DNAH5: variants seen among roughly 807,000 people sequenced by gnomAD.
DNAH5 encodes axonemal beta dynein heavy chain 5.
Under a neutral mutation model 518.2 loss-of-function variants are expected in DNAH5, and 372 were observed. The observed-to-expected ratio is 0.72, with a 90% CI of 0.66 to 0.78. The LOEUF (loss-of-function observed/expected upper bound fraction) is 0.78. Among genes scored for constraint, DNAH5 ranks in the 30% least tolerant of loss-of-function variants. The probability of loss-of-function intolerance (pLI) is 0.00; values close to 1 mark genes in which losing one functional copy is unlikely to be tolerated. For missense variants in DNAH5, 5,523 were observed against 5,687.0 expected, an observed-to-expected ratio of 0.97 and a Z score of 0.93; for synonymous variants, 2,039 against 2,025.9, an observed-to-expected ratio of 1.01 and a Z score of -0.17.
chr5:13,825,543 T>A (rs1580439560), intron 38 of DNAH5, among the ~76,000 whole-genome samples: 2 of 152,074 alleles, frequency 1.3e-5, no homozygotes, highest in African/African-American at 4.8e-5. Flanking sequence ...AGAAAGGACA[T>A]CCTGTCACAT....
chr5:13,819,528 G>A (rs1761948122), intron 41 of DNAH5, among the ~76,000 whole-genome samples: 2 of 152,036 alleles, frequency 1.3e-5, no homozygotes, highest in Admixed American at 1.3e-4. Context: ...AGCCCACCCA[G>A]GTACCTCTTT....
intron 78 of DNAH5, among the ~76,000 whole-genome samples, chr5:13,700,295 C>T (rs569496738): frequency 5.9e-5 from 9 of 152,182 alleles, no homozygotes; most frequent in African/African-American, 2.2e-4. Flanking sequence ...GAGACTCAGG[C>T]CCTGCTCACT....
At chr5:13,779,183 T>A (rs946836394) in intron 53 of DNAH5, among the ~76,000 whole-genome samples, 1 of 152,196 alleles carries the variant, frequency 6.6e-6, no homozygotes. Context: ...GGAACAAAAA[T>A]TTGAGTCCAA....
chr5:13,734,822 C>T (rs1360598276), intron 68 of DNAH5, among the ~76,000 whole-genome samples: 1 of 152,116 alleles, frequency 6.6e-6, no homozygotes, highest in African/African-American at 2.4e-5. Flanking sequence ...ATAGGACTTA[C>T]CATCTTCCCA....
chr5:14,004,385 G>A (rs1251219242), intron 1 of DNAH5, among the ~76,000 whole-genome samples: 1 of 152,198 alleles, frequency 6.6e-6, no homozygotes. Flanking sequence ...GAAGGTAAAA[G>A]GCCTGAGTAC....
chr5:13,865,054 G>GTGC (rs1290478637), intron 27 of DNAH5, among the ~76,000 whole-genome samples: 6 of 145,088 alleles, frequency 4.1e-5, no homozygotes, highest in Non-Finnish European at 8.9e-5. Context: ...CTGTGCAGTG[G>GTGC]TGCAATCTCC....
rs72735048 is a variant in DNAH5, at chr5:13,889,711, C to T, written c.2577+1265G>A. ...TGGGCCCTGAGTCTCTAATAGGTTTCCCTGGGCAGAAACATTGCACAGAGG... is the reference window on the plus strand; with the variant it reads ...TGGGCCCTGAGTCTCTAATAGGTTTTCCTGGGCAGAAACATTGCACAGAGG... On this transcript the variant is annotated intron_variant, in intron 17 of 78. Coordinates refer to ENST00000265104, the MANE Select transcript of DNAH5 (RefSeq NM_001369.3). Among the ~76,000 whole-genome samples the T allele has an allele frequency of 9.2e-3, 1,405 of 152,200 alleles. 12 individuals carry two copies. Among genetic ancestry groups the T allele is most frequent in the Non-Finnish European group, 0.011 (780 of 68,008 alleles).
chr5:13,979,444 T>A (rs1333616099), intron 1 of DNAH5, among the ~76,000 whole-genome samples: 2 of 152,158 alleles, frequency 1.3e-5, no homozygotes, highest in South Asian at 2.1e-4. Flanking sequence ...TTAGTTCCAT[T>A]CACAATGTAG....
At chr5:13,905,757 C>G (rs763075355) in intron 12 of DNAH5, among the ~76,000 whole-genome samples, 2 of 152,156 alleles carry the variant, frequency 1.3e-5, no homozygotes, top group South Asian at 2.1e-4. Context: ...TATGATCCAG[C>G]AATCATACTT....
intron 47 of DNAH5, among the ~76,000 whole-genome samples, chr5:13,800,899 C>G (rs1218986139): frequency 1.3e-5 from 2 of 151,974 alleles, no homozygotes; most frequent in Non-Finnish European, 2.9e-5. Context: ...GTCTCCTCCA[C>G]TAGAAGGTAA....
intron 1 of DNAH5, among the ~76,000 whole-genome samples, chr5:14,003,978 C>G (rs1561072430): frequency 6.6e-6 from 1 of 152,212 alleles, no homozygotes; most frequent in Non-Finnish European, 1.5e-5. Flanking sequence ...CTCATCCCTT[C>G]CCCAGTTTCC....
chr5:13,836,292 T>G (rs1764391686), intron 35 of DNAH5, among the ~76,000 whole-genome samples: 1 of 152,170 alleles, frequency 6.6e-6, no homozygotes, highest in Admixed American at 6.5e-5. Flanking sequence ...TGTCTGGAGT[T>G]TGGGAGAGAA....
chr5:13,896,487 C>T (rs995698025), intron 15 of DNAH5: 17 of 152,192 alleles, frequency 1.1e-4, no homozygotes, highest in Non-Finnish European at 2.5e-4. Context: ...ACCACTCACA[C>T]ATTTTATCCC....
chr5:13,820,474 T>C lies in DNAH5; in HGVS notation c.6713A>G (p.His2238Arg). ...GATGACCTTCAGTTTCCAAGGAGGA[T>C]GGTTGATTAAACCAGCTTCTTCAAC... ...RQVEEAGLIN[H>R]PPWKLKVIQL... Residue 2238 changes from histidine to arginine, a missense_variant, in exon 41 of 79, where the codon CAT (histidine) becomes CGT (arginine). Transcript: ENST00000265104. 1.2e-6 allele frequency: 2 copies of C among 1,614,134 alleles called. No individual in the cohort carries two copies. The highest frequency in any genetic ancestry group is 1.7e-6 in the Non-Finnish European group (2 of 1,180,032).
At chr5:13,789,834 G>A (rs996718767) in intron 50 of DNAH5, among the ~76,000 whole-genome samples, 13 of 152,082 alleles carry the variant, frequency 8.5e-5, no homozygotes, top group African/African-American at 2.9e-4. Flanking sequence ...AAATATTCAC[G>A]CCGCTAAACT....
rs373168558 is a variant in DNAH5, at chr5:13,819,780, T to G, written c.6841+566A>C. On this transcript the variant is annotated intron_variant, in intron 41 of 78. Transcript: ENST00000265104. ...GGGACATCTGGAAATGAAATGCATT[T>G]ATTTAACTTCACTAAAATAAATCTG... 3.9e-5 allele frequency among the ~76,000 whole-genome samples: 6 copies of G among 152,330 alleles called. No individual in the cohort carries two copies. The East Asian group carries it at 1.2e-3, about 29-fold the overall frequency.
intron 19 of DNAH5, 95 bp from the exon 20 acceptor site, chr5:13,883,189 G>A (rs1411459982): frequency 8.0e-7 from 1 of 1,255,298 alleles, no homozygotes; most frequent in East Asian, 2.5e-5. Flanking sequence ...ATACATAATA[G>A]GTATAAAATC....
intron 16 of DNAH5, among the ~76,000 whole-genome samples, chr5:13,892,812 T>C (rs1773448803): frequency 6.6e-6 from 1 of 152,200 alleles, no homozygotes; most frequent in African/African-American, 2.4e-5. Context: ...TTTTATTTCC[T>C]GGGGAGGCGT....
intron 35 of DNAH5, among the ~76,000 whole-genome samples, chr5:13,833,502 T>TAAG (rs1265839765): frequency 2.0e-5 from 3 of 149,042 alleles, no homozygotes; most frequent in African/African-American, 7.5e-5. Flanking sequence ...GCAAGAATAA[T>TAAG]AATAATAATA....
Sources: gnomAD v4.1 joint callset for allele counts (sites outside exome capture counted in the v4.1 genomes callset) on GRCh38, gnomAD v4.1.1 for gene constraint, MANE v1.5 for transcripts, NCBI Gene and HGNC (gene_info 2026-07-23, HGNC 2026-07-21) for gene names.